The following VMP1 variants were observed in gnomAD, a reference collection of about 807,000 sequenced individuals.
The protein encoded by VMP1 is vacuole membrane protein 1, also known as ectopic P-granules autophagy protein 3 homolog.
In VMP1, 11 loss-of-function variants were observed where a neutral mutation model predicts 56.0. The observed-to-expected ratio is 0.20, with a 90% confidence interval of 0.12 to 0.32. The LOEUF (loss-of-function observed/expected upper bound fraction) is 0.32. VMP1 is among the 10% of genes least tolerant of loss of function. The pLI is 1.00. For synonymous variants in VMP1, 149 were observed against 165.0 expected (o/e 0.90, Z 0.74); for missense variants, 296 against 490.3 (o/e 0.60, Z 3.74).
intron 7 of VMP1, among the ~76,000 whole-genome samples, chr17:59,780,649 C>T (rs1471648232): frequency 6.6e-6 from 1 of 152,056 alleles, no homozygotes; most frequent in African/African-American, 2.4e-5. Flanking sequence ...TGTAGTGGCG[C>T]CATCTCAGCT....
intron 7 of VMP1, among the ~76,000 whole-genome samples, chr17:59,787,929 A>G (rs561948219): frequency 6.6e-6 from 1 of 152,346 alleles, no homozygotes; most frequent in East Asian, 1.9e-4. Context: ...AATAAGAAAA[A>G]CATTCTAAAA....
intron 1 of VMP1, among the ~76,000 whole-genome samples, chr17:59,721,073 C>T (rs886138486): frequency 5.5e-5 from 8 of 146,654 alleles, no homozygotes; most frequent in African/African-American, 1.5e-4. Context: ...GGGCCGGGCG[C>T]GGTGGCTCAC....
At chr17:59,731,115 T>C (rs907000839) in intron 1 of VMP1, among the ~76,000 whole-genome samples, 18 of 152,206 alleles carry the variant, frequency 1.2e-4, no homozygotes, top group African/African-American at 4.1e-4. Flanking sequence ...GTGCTTGATA[T>C]CCTCCTTCTG....
intron 7 of VMP1, among the ~76,000 whole-genome samples, chr17:59,805,000 A>C (rs1330325111): frequency 4.6e-5 from 7 of 152,176 alleles, no homozygotes; most frequent in Non-Finnish European, 1.5e-5. Flanking sequence ...TACATAATAA[A>C]ATTTGTGAAA....
At chr17:59,790,480 A>C (rs907941399) in intron 7 of VMP1, among the ~76,000 whole-genome samples, 30 of 152,094 alleles carry the variant, frequency 2.0e-4, no homozygotes, top group African/African-American at 6.8e-4. Context: ...TTTTGTTTTA[A>C]ATTTACCTCT....
At chr17:59,733,118 C>A (rs1005027890) in intron 2 of VMP1, among the ~76,000 whole-genome samples, 4 of 152,038 alleles carry the variant, frequency 2.6e-5, no homozygotes, top group African/African-American at 9.7e-5. Flanking sequence ...ATTTAGCCCA[C>A]AAGGCTGCAG....
chr17:59,711,467 C>T (rs1428675902), intron 1 of VMP1, among the ~76,000 whole-genome samples: 7 of 152,132 alleles, frequency 4.6e-5, no homozygotes, highest in Non-Finnish European at 8.8e-5. Context: ...GAAGTGATAA[C>T]TTTGTCGTGG....
At chr17:59,789,238 GA>G (rs78690577) in intron 7 of VMP1, among the ~76,000 whole-genome samples, 184 of 110,322 alleles carry the variant, frequency 1.7e-3, no homozygotes, top group African/African-American at 3.7e-3. Flanking sequence ...TGCAGTGAGA[GA>G]AAAAAAAAAA....
chr17:59,834,686 G>A (rs1450815078), intron 10 of VMP1, among the ~76,000 whole-genome samples: 2 of 150,414 alleles, frequency 1.3e-5, no homozygotes, highest in Non-Finnish European at 3.0e-5. Flanking sequence ...GTGGAGTGGT[G>A]CGATCTGGGC....
intron 7 of VMP1, among the ~76,000 whole-genome samples, chr17:59,789,835 C>CTTTTTTTTTTTTTTTTTTTTTTT (rs754631557): frequency 1.2e-5 from 1 of 85,978 alleles, no homozygotes; most frequent in Non-Finnish European, 2.0e-5. Flanking sequence ...CTTTCTTTCC[C>CTTTTTTTTTTTTTTTTTTTTTTT]TTTTTTTTTT....
At chr17:59,839,682 C>T (rs2039096963) in intron 11 of VMP1, 86 bp from the exon 12 acceptor site, 1 of 1,459,190 alleles carries the variant, frequency 6.9e-7, no homozygotes. Context: ...GTAAGTTACA[C>T]ACTTCAAGCA....
chr17:59,808,683 C>T, intron 7 of VMP1, 113 bp from the exon 8 acceptor site: 1 of 770,822 alleles, frequency 1.3e-6, no homozygotes, highest in Middle Eastern at 3.6e-4. Context: ...TTTCATCATT[C>T]ATCTTATTAA....
At chr17:59,733,360 T>C (rs2034905357) in intron 2 of VMP1, among the ~76,000 whole-genome samples, 2 of 152,132 alleles carry the variant, frequency 1.3e-5, no homozygotes, top group African/African-American at 4.8e-5. Flanking sequence ...CATTTCACCT[T>C]ATACCTAATC....
chr17:59,817,764 C>T lies in VMP1; in HGVS notation c.965C>T (p.Ala322Val), dbSNP rs147367102. ...FSKHIVEQMV[A>V]FIGAVPGIGP... ...AAGCACATAGTGGAGCAAATGGTGG[C>T]TTTCATTGGGTAAGTAATTCTTCAA... The change falls in exon 10 of 12, where the codon GCT (alanine) becomes GTT (valine). Residue 322 changes from alanine (A) to valine (V), a missense_variant. By Grantham distance (64) the Ala-to-Val change is moderately conservative. Coordinates refer to ENST00000262291, the MANE Select transcript of VMP1 (RefSeq NM_030938.5). 1.2e-6 allele frequency: 2 copies of T among 1,606,720 alleles called. No individual in the cohort carries two copies. The highest frequency in any genetic ancestry group is 1.7e-5 in the Admixed American group (1 of 59,220).
At chr17:59,807,583 G>A (rs1283544923) in intron 7 of VMP1, among the ~76,000 whole-genome samples, 2 of 151,744 alleles carry the variant, frequency 1.3e-5, no homozygotes, top group Non-Finnish European at 2.9e-5. Flanking sequence ...CTGTAATCTT[G>A]GCACTTTGGG....
At chr17:59,795,224 C>G (rs571975947) in intron 7 of VMP1, among the ~76,000 whole-genome samples, 1 of 151,992 alleles carries the variant, frequency 6.6e-6, no homozygotes, top group African/African-American at 2.4e-5. Flanking sequence ...ATCTGCCCAC[C>G]TCAGCCTCCC....
intron 7 of VMP1, among the ~76,000 whole-genome samples, chr17:59,784,119 G>A (rs1395303188): frequency 1.4e-5 from 2 of 140,204 alleles, no homozygotes; most frequent in South Asian, 2.5e-4. Context: ...GTGTGTGTGT[G>A]TGTGTGTGTG....
intron 7 of VMP1, among the ~76,000 whole-genome samples, chr17:59,806,068 A>G (rs1223079948): frequency 3.3e-5 from 5 of 152,126 alleles, no homozygotes; most frequent in South Asian, 2.1e-4. Context: ...GTATCTGTTG[A>G]TACTTTAGAC....
intron 5 of VMP1, among the ~76,000 whole-genome samples, chr17:59,757,236 T>C (rs1287968637): frequency 7.6e-6 from 1 of 132,238 alleles, no homozygotes; most frequent in Non-Finnish European, 1.6e-5. Flanking sequence ...CAGATTAGGA[T>C]GGAGATAGAT....
Sources: gnomAD v4.1 joint callset for allele counts (sites outside exome capture counted in the v4.1 genomes callset) on GRCh38, gnomAD v4.1.1 for gene constraint, MANE v1.5 for transcripts, NCBI Gene and HGNC (gene_info 2026-07-23, HGNC 2026-07-21) for gene names.